AFF1: variants seen among roughly 807,000 people sequenced by gnomAD.
AFF1 encodes AF4/FMR2 family member 1.
In AFF1, 48 loss-of-function variants were observed where a neutral mutation model predicts 121.7. That is an observed-to-expected ratio of 0.39 (90% CI 0.31 to 0.50). The LOEUF is 0.50. Ranked by LOEUF, AFF1 falls within the 20% of genes least tolerant of loss-of-function variation. AFF1 has a pLI of 0.76. For missense variants in AFF1, 1,523 were observed against 1,511.7 expected (o/e 1.01, Z -0.12); for synonymous variants, 613 against 563.0 (o/e 1.09, Z -1.26).
chr4:86,977,406 A>C (rs984276701), intron 2 of AFF1, among the ~76,000 whole-genome samples: 1 of 152,150 alleles, frequency 6.6e-6, no homozygotes, highest in Non-Finnish European at 1.5e-5. Flanking sequence ...TTTTCCATTT[A>C]ATATTTTTAG....
chr4:87,034,459 A>T (rs933517934), intron 2 of AFF1, among the ~76,000 whole-genome samples: 1 of 152,174 alleles, frequency 6.6e-6, no homozygotes, highest in East Asian at 1.9e-4. Context: ...GTTCCCCATG[A>T]TGTATTTATA....
At chr4:86,943,733 G>A (rs761519341) in intron 1 of AFF1, among the ~76,000 whole-genome samples, 9 of 152,064 alleles carry the variant, frequency 5.9e-5, no homozygotes, top group Non-Finnish European at 1.3e-4. Context: ...GCTGAGGTGG[G>A]CAGATCACCT....
intron 4 of AFF1, among the ~76,000 whole-genome samples, chr4:87,069,723 T>C (rs1019008950): frequency 6.6e-6 from 1 of 152,158 alleles, no homozygotes; most frequent in African/African-American, 2.4e-5. Flanking sequence ...CTTGGAGTTT[T>C]GTATCTGGAG....
At chr4:86,998,134 A>T (rs1367186361) in intron 2 of AFF1, among the ~76,000 whole-genome samples, 2 of 149,694 alleles carry the variant, frequency 1.3e-5, no homozygotes, top group Non-Finnish European at 3.0e-5. Flanking sequence ...AAAACAAGAA[A>T]ACTGCGTGGA....
chr4:86,975,038 T>G (rs1170725720), intron 2 of AFF1, among the ~76,000 whole-genome samples: 1 of 152,204 alleles, frequency 6.6e-6, no homozygotes, highest in African/African-American at 2.4e-5. Context: ...TAAAGAAAAC[T>G]ATTGCAAGTC....
intron 2 of AFF1, among the ~76,000 whole-genome samples, chr4:87,041,672 A>G (rs982805735): frequency 6.6e-6 from 1 of 152,170 alleles, no homozygotes; most frequent in Non-Finnish European, 1.5e-5. Context: ...ACTGGAAAAA[A>G]AAAAAGACAC....
At chr4:87,078,332 G>A (rs909994615) in intron 4 of AFF1, among the ~76,000 whole-genome samples, 2 of 152,140 alleles carry the variant, frequency 1.3e-5, no homozygotes, top group Non-Finnish European at 2.9e-5. Flanking sequence ...AAAGCCATAA[G>A]AGAAACTTAG....
At chr4:86,988,237 A>G (rs987500194) in intron 2 of AFF1, among the ~76,000 whole-genome samples, 2 of 152,260 alleles carry the variant, frequency 1.3e-5, no homozygotes, top group South Asian at 2.1e-4. Context: ...GTTATTAACT[A>G]TAGTCACCCT....
At chr4:87,026,823 C>T (rs1261063561) in intron 2 of AFF1, among the ~76,000 whole-genome samples, 1 of 152,112 alleles carries the variant, frequency 6.6e-6, no homozygotes, top group African/African-American at 2.4e-5. Context: ...ATCTGGTTCT[C>T]TCGTATTTTA....
At chr4:87,124,892 A>G (rs529640715) in intron 12 of AFF1, 145 bp from the exon 13 acceptor site, 27 of 482,242 alleles carry the variant, frequency 5.6e-5, no homozygotes, top group Non-Finnish European at 9.1e-5. Context: ...ACAGACACAC[A>G]TGGTAAGTAC....
intron 12 of AFF1, among the ~76,000 whole-genome samples, chr4:87,118,971 T>G (rs1727395228): frequency 1.3e-5 from 2 of 152,266 alleles, no homozygotes; most frequent in South Asian, 2.1e-4. Flanking sequence ...ATTGGTTCAC[T>G]CTAGTGGTCC....
intron 11 of AFF1, among the ~76,000 whole-genome samples, chr4:87,112,316 T>C (rs1726618810): frequency 6.6e-6 from 1 of 152,208 alleles, no homozygotes; most frequent in South Asian, 2.1e-4. Context: ...ATAATAGTGG[T>C]TTCCTTCTTC....
rs574385035 is a variant in AFF1 at position 87,131,788 on chromosome 4, T to C, written c.3102-5T>C. Reference sequence around the variant, plus strand: ...AACCTGATGTACTTTTATATTTTCCTATAGATTCATAATGTCATTAAAATC... The same window carrying C: ...AACCTGATGTACTTTTATATTTTCCCATAGATTCATAATGTCATTAAAATC... On this transcript the variant is annotated splice_region_variant and splice_polypyrimidine_tract_variant and intron_variant, in intron 17 of 20. Transcript: ENST00000395146. 1.9e-6 allele frequency: 3 copies of C among 1,589,996 alleles called. No individual in the cohort carries two copies. The highest frequency in any genetic ancestry group is 2.7e-5 in the African/African-American group (2 of 74,048).
intron 4 of AFF1, among the ~76,000 whole-genome samples, chr4:87,054,552 G>T (rs1189361571): frequency 6.6e-6 from 1 of 152,156 alleles, no homozygotes; most frequent in African/African-American, 2.4e-5. Context: ...GGTAACTCTA[G>T]ATTCCGTAAG....
At chr4:87,006,325 G>C (rs1024701814) in intron 2 of AFF1, among the ~76,000 whole-genome samples, 2 of 152,118 alleles carry the variant, frequency 1.3e-5, no homozygotes, top group African/African-American at 4.8e-5. Flanking sequence ...TGCTTTTGAG[G>C]CACGGCTTAA....
At chr4:86,958,155 G>A (rs1721891386) in intron 2 of AFF1, among the ~76,000 whole-genome samples, 2 of 136,046 alleles carry the variant, frequency 1.5e-5, no homozygotes, top group South Asian at 2.3e-4. Flanking sequence ...GTGCAGTGGT[G>A]CCATCTGGGC....
intron 12 of AFF1, among the ~76,000 whole-genome samples, chr4:87,119,589 C>T (rs1276406512): frequency 2.0e-5 from 3 of 152,204 alleles, no homozygotes; most frequent in East Asian, 3.9e-4. Context: ...GAAAAATAAA[C>T]ACGTAACGTG....
In AFF1 at chr4:87,015,149, C is replaced by T. The variant is rs550044643; in HGVS notation, c.39-31017C>T. Among the ~76,000 whole-genome samples the T allele has an allele frequency of 3.3e-5, 5 of 152,260 alleles. No homozygotes were observed. The South Asian group carries it at 1.0e-3, about 32-fold the overall frequency. On this transcript the variant is annotated intron_variant, in intron 2 of 20. Coordinates refer to ENST00000395146, the MANE Select transcript of AFF1 (RefSeq NM_001166693.3). Reference sequence around the variant, plus strand: ...GTCATTGGTATAAAGTAAGCTAAAGCTCTGTCCTTTTATATTTTTTCAGGT... The same window carrying T: ...GTCATTGGTATAAAGTAAGCTAAAGTTCTGTCCTTTTATATTTTTTCAGGT...
chr4:86,995,948 T>A (rs1295369176), intron 2 of AFF1, among the ~76,000 whole-genome samples: 1 of 139,902 alleles, frequency 7.1e-6, no homozygotes, highest in South Asian at 2.3e-4. Flanking sequence ...GTGAGGAGCG[T>A]CTCTGCCCGG....
Sources: allele counts gnomAD v4.1 joint callset (sites outside exome capture counted in the v4.1 genomes callset), GRCh38; gene constraint gnomAD v4.1.1; transcripts MANE v1.5; gene names NCBI Gene and HGNC (gene_info 2026-07-23, HGNC 2026-07-21).